FAT4: variants seen among roughly 807,000 people sequenced by gnomAD.
The protein encoded by FAT4 is FAT atypical cadherin 4.
In FAT4, 84 loss-of-function variants were observed where a neutral mutation model predicts 303.9. The ratio of observed to expected loss-of-function variants is 0.28; its 90% CI spans 0.23 to 0.33. FAT4 has a LOEUF of 0.33. FAT4 is among the 10% of genes least tolerant of loss of function. The pLI is 1.00. For missense variants in FAT4, 6,005 were observed against 6,146.8 expected (o/e 0.98, Z 0.77); for synonymous variants, 2,307 against 2,298.8 (o/e 1.00, Z -0.10).
rs185224449 is a variant in FAT4 at position 125,452,692 on chromosome 4, C to T, written c.11682C>T (p.Phe3894=). 3.7e-6 allele frequency: 6 copies of T among 1,614,136 alleles called. No homozygotes were observed. The African/African-American group carries it at 6.7e-5, about 18-fold the overall frequency. Residue 3894 remains phenylalanine, a synonymous_variant, in exon 10 of 18, where the codon TTC becomes TTT. Coordinates refer to ENST00000394329, the MANE Select transcript of FAT4 (RefSeq NM_001291303.3). ...GGFSCSCPDG[F]TGRACERDIN... ...TTTCATGCAGCTGCCCAGATGGCTT[C>T]ACTGGTAGGGCGTGTGAGAGAGATA...
chr4:125,357,379 G>A (rs894677589), intron 2 of FAT4, among the ~76,000 whole-genome samples: 1 of 152,002 alleles, frequency 6.6e-6, no homozygotes, highest in Non-Finnish European at 1.5e-5. Flanking sequence ...GATTCTTGTA[G>A]AGCAAAAAGA....
intron 11 of FAT4, among the ~76,000 whole-genome samples, chr4:125,465,431 G>C (rs1254933470): frequency 6.6e-6 from 1 of 152,270 alleles, no homozygotes; most frequent in East Asian, 1.9e-4. Context: ...TGAGATAAAA[G>C]ATAAGGGGAT....
chr4:125,401,990 AT>A (rs1299937846), intron 3 of FAT4, among the ~76,000 whole-genome samples: 5 of 152,042 alleles, frequency 3.3e-5, no homozygotes, highest in African/African-American at 1.2e-4. Context: ...GATATGGCAT[AT>A]TTTGAATATT....
At position 125,449,070 on chromosome 4, in the gene FAT4, G is replaced by A. The variant is rs777764521; in HGVS notation, c.8060G>A (p.Arg2687Gln). Residue 2687 changes from arginine (R) to glutamine (Q), a missense_variant, in exon 10 of 18, where the codon CGA becomes CAA. Physicochemically the swap from Arg to Gln is conservative, Grantham distance 43. Coordinates refer to ENST00000394329, the MANE Select transcript of FAT4 (RefSeq NM_001291303.3). ...GAAATATTGGAAAACCTTTCCCCTC[G>A]AAAAATACTTACTGTTTCGGCAATG... is the stretch of plus-strand genomic sequence containing the variant. ...ISEILENLSPRKILTVSAMDK... is the reference protein window; with the variant it reads ...ISEILENLSPQKILTVSAMDK... 1.4e-5 allele frequency: 23 copies of A among 1,613,580 alleles called. 1 individual carries two copies. The highest frequency in any genetic ancestry group is 3.3e-4 in the Middle Eastern group (2 of 6,082).
Position 125,450,926 on chromosome 4 carries a change from T to A in FAT4, c.9916T>A (p.Tyr3306Asn). Reference protein sequence around the residue: ...YVPRFVSKLYYFEISEAAPKG... With the variant: ...YVPRFVSKLYNFEISEAAPKG... Reference sequence around the variant, plus strand: ...GCCCCGTTTTGTTTCCAAACTTTACTATTTTGAAATCTCAGAAGCAGCTCC... The same window carrying A: ...GCCCCGTTTTGTTTCCAAACTTTACAATTTTGAAATCTCAGAAGCAGCTCC... Residue 3306 changes from tyrosine to asparagine, a missense_variant, in exon 10 of 18, where the codon TAT becomes AAT. Physicochemically the swap from Tyr to Asn is moderately radical, Grantham distance 143. Transcript: ENST00000394329. 6.2e-7 allele frequency: 1 copy of A among 1,614,158 alleles called. No individual in the cohort carries two copies. Among genetic ancestry groups the A allele is most frequent in the African/African-American group, 1.3e-5 (1 of 75,058 alleles).
intron 2 of FAT4, among the ~76,000 whole-genome samples, chr4:125,379,725 G>T (rs990228763): frequency 4.6e-5 from 7 of 152,042 alleles, no homozygotes; most frequent in Middle Eastern, 3.4e-3. Context: ...CTCCCAAAGT[G>T]CTTGGATTAC....
Position 125,463,661 on chromosome 4 carries a change from C to A in FAT4, c.11899C>A (p.Pro3967Thr), listed in dbSNP as rs1361035300. The change falls in exon 11 of 18, where the codon CCA becomes ACA. Residue 3967 changes from proline to threonine, a missense_variant. Transcript: ENST00000394329. ...TGTGGATTCTTATTATTGTCATTGT[C>A]CATTTGGTGAGTAAAACTTATTTGT... ...SGVDSYYCHC[P>T]FGVFGKHCEL... The A allele has an allele frequency of 1.3e-6, 2 of 1,552,434 alleles. No individual in the cohort carries two copies. Among genetic ancestry groups the A allele is most frequent in the Admixed American group, 1.8e-5 (1 of 56,622 alleles).
intron 14 of FAT4, among the ~76,000 whole-genome samples, chr4:125,478,957 C>T (rs983700300): frequency 6.6e-6 from 1 of 152,080 alleles, no homozygotes; most frequent in Admixed American, 6.5e-5. Flanking sequence ...TTATGATCTG[C>T]CATCTCCCTT....
chr4:125,373,734 C>T (rs1261419122), intron 2 of FAT4, among the ~76,000 whole-genome samples: 2 of 152,012 alleles, frequency 1.3e-5, no homozygotes, highest in East Asian at 3.9e-4. Flanking sequence ...ATTGAAGAAA[C>T]AGGGGCACAG....
chr4:125,463,727 A>G (rs1336545238), intron 11 of FAT4, 60 bp downstream of exon 11: 11 of 1,205,486 alleles, frequency 9.1e-6, no homozygotes, highest in South Asian at 1.6e-5. Context: ...CAGTTTAGCA[A>G]TTTTGTTTTA....
Position 125,490,961 on chromosome 4 carries a change from T to C in FAT4, c.14145T>C (p.Tyr4715=). 2 of 1,614,174 alleles carry C rather than the reference T, an allele frequency of 1.2e-6. No homozygotes were observed. Among genetic ancestry groups the C allele is most frequent in the Non-Finnish European group, 1.7e-6 (2 of 1,180,022 alleles). Residue 4715 remains tyrosine, a synonymous_variant, in exon 18 of 18, where the codon TAT becomes TAC. Coordinates refer to ENST00000394329, the MANE Select transcript of FAT4 (RefSeq NM_001291303.3). ...CTTTCTCCAAATCTTCTACGTTCTA[T>C]AGAAACAGCCCAGCAAGGGAATTGC... is the stretch of plus-strand genomic sequence containing the variant. The part of the protein sequence containing the change: ...PAPFSKSSTF[Y]RNSPARELHL...
rs925950950 is a variant in FAT4 at position 125,315,411 on chromosome 4, G to T, written c.-579G>T. On this transcript the variant is annotated 5_prime_UTR_variant, in exon 1 of 18. Transcript: ENST00000394329. The stretch of plus-strand genomic sequence containing the variant: ...GATAGCGAGGGCAGGGGCGAGGCGC[G>T]CTAGAGTGGGCTTCTGACTGGGGCC... 6.6e-6 allele frequency among the ~76,000 whole-genome samples: 1 copy of T among 152,188 alleles called. No individual in the cohort carries two copies. Among genetic ancestry groups the T allele is most frequent in the Non-Finnish European group, 1.5e-5 (1 of 68,026 alleles).
Position 125,416,563 on chromosome 4 carries a change from A to G in FAT4, c.6959A>G (p.Gln2320Arg). 6.2e-7 allele frequency: 1 copy of G among 1,614,034 alleles called. No individual in the cohort carries two copies. The highest frequency in any genetic ancestry group is 2.2e-5 in the East Asian group (1 of 44,866). Residue 2320 changes from glutamine to arginine, a missense_variant, in exon 7 of 18, where the codon CAG becomes CGG. Coordinates refer to ENST00000394329, the MANE Select transcript of FAT4 (RefSeq NM_001291303.3). ...GCCAGTGGAGAACTTGGAGTAACAC[A>G]GAGTCTGGATCGGGAAACAAAAGAG... ...LSASGELGVT[Q>R]SLDRETKERF...
intron 10 of FAT4, among the ~76,000 whole-genome samples, chr4:125,456,839 A>AT (rs1433656677): frequency 7.9e-5 from 12 of 152,126 alleles, no homozygotes; most frequent in African/African-American, 2.9e-4. Context: ...TCATAGAATG[A>AT]TTTTTTAAAA....
At chr4:125,360,406 C>T (rs1732608306) in intron 2 of FAT4, among the ~76,000 whole-genome samples, 1 of 152,116 alleles carries the variant, frequency 6.6e-6, no homozygotes. Flanking sequence ...AAGGAGGACA[C>T]AATTATGTCA....
At position 125,492,844 on chromosome 4, in the gene FAT4, C is replaced by T. The variant is rs1429182566; in HGVS notation, c.*1076C>T. 1 of 152,416 alleles carries T rather than the reference C, an allele frequency of 6.6e-6. No homozygotes were observed. Among genetic ancestry groups the T allele is most frequent in the Non-Finnish European group, 1.5e-5 (1 of 67,992 alleles). 9.4% of individuals were successfully genotyped at this position (152,416 alleles called of 1,614,324 possible). On this transcript the variant is annotated 3_prime_UTR_variant, in exon 18 of 18. Coordinates refer to ENST00000394329, the MANE Select transcript of FAT4 (RefSeq NM_001291303.3). ...TTATATTTGTTACTTATGTAACATT[C>T]ATATTTTTCTCATTTTGATATTTGT... is the stretch of plus-strand genomic sequence containing the variant.
intron 11 of FAT4, among the ~76,000 whole-genome samples, chr4:125,467,029 G>A (rs1325493236): frequency 2.0e-5 from 3 of 151,686 alleles, no homozygotes; most frequent in Non-Finnish European, 2.9e-5. Flanking sequence ...CGCCCACCTC[G>A]GCCTCCCAAA....
In FAT4 at chr4:125,320,143, T is replaced by G. The variant is rs762834958; in HGVS notation, c.3732T>G (p.Leu1244=). 6.2e-7 allele frequency: 1 copy of G among 1,614,004 alleles called. No individual in the cohort carries two copies. The highest frequency in any genetic ancestry group is 2.2e-5 in the East Asian group (1 of 44,874). ...ASDVDEGNNG[L]IHYSIIKGNE... is the part of the protein sequence containing the mutation. ...ATGTTGATGAAGGTAATAATGGACT[T>G]ATTCACTATTCTATAATAAAAGGAA... The change falls in exon 2 of 18, where the codon CTT becomes CTG. Residue 1244 remains leucine, a synonymous_variant. Coordinates refer to ENST00000394329, the MANE Select transcript of FAT4 (RefSeq NM_001291303.3).
Position 125,450,116 on chromosome 4 carries a change from T to A in FAT4, c.9106T>A (p.Leu3036Met). The stretch of plus-strand genomic sequence containing the variant: ...TGATAACCATTTAGGAAAATTTAAG[T>A]TGGACAATGATACGGGGTGGATTTC... The part of the protein sequence containing the change: ...SNDNHLGKFK[L>M]DNDTGWISVA... The change falls in exon 10 of 18, where the codon TTG (leucine) becomes ATG (methionine). Residue 3036 changes from leucine to methionine, a missense_variant. By Grantham distance (15) the Leu-to-Met change is conservative (BLOSUM62 2). Coordinates refer to ENST00000394329, the MANE Select transcript of FAT4 (RefSeq NM_001291303.3). The A allele has an allele frequency of 6.2e-7, 1 of 1,613,766 alleles. No homozygotes were observed. Among genetic ancestry groups the A allele is most frequent in the Non-Finnish European group, 8.5e-7 (1 of 1,179,962 alleles).
Sources: allele counts gnomAD v4.1 joint callset (sites outside exome capture counted in the v4.1 genomes callset), GRCh38; gene constraint gnomAD v4.1.1; transcripts MANE v1.5; gene names NCBI Gene and HGNC (gene_info 2026-07-23, HGNC 2026-07-21).